SAYSD1: variants seen among roughly 807,000 people sequenced by gnomAD.
SAYSD1 encodes the protein SAYSVFN motif domain containing 1.
A neutral mutation model predicts 14.5 loss-of-function variants in SAYSD1; 15 were observed. The ratio of observed to expected loss-of-function variants is 1.03; its 90% CI spans 0.69 to 1.59. SAYSD1 has a LOEUF of 1.59. SAYSD1 is among the 40% of genes most tolerant of loss of function. The pLI, the probability that SAYSD1 is intolerant of heterozygous loss-of-function variation, is 0.00. For missense variants in SAYSD1, 247 were observed against 227.3 expected (o/e 1.09, Z -0.56); for synonymous variants, 105 against 102.6 (o/e 1.02, Z -0.14).
chr6:39,109,260 G>T, intron 1 of SAYSD1: 1 of 1,496,808 alleles, frequency 6.7e-7, no homozygotes, highest in East Asian at 2.5e-5. Flanking sequence ...GGCTTGCCTG[G>T]GATATGGCTG....
At chr6:39,113,860 T>A (rs530663299) in intron 1 of SAYSD1, 1 of 152,374 alleles carries the variant, frequency 6.6e-6, no homozygotes, top group Non-Finnish European at 1.5e-5. Context: ...GTCTGAACTC[T>A]GCTGCGCTCT....
Position 39,115,030 on chromosome 6 carries a change from T to C in SAYSD1, c.60A>G (p.Gln20=). Residue 20 remains glutamine (Q), a synonymous_variant, in exon 1 of 2, where the codon CAA becomes CAG. Coordinates refer to ENST00000229903, the MANE Select transcript of SAYSD1 (RefSeq NM_018322.3). ...AARKRAGLAA[Q]PPAASQGAQT... Reference sequence around the variant, plus strand: ...GTGCGCCCTGACTGGCAGCAGGGGGTTGGGCCGCCAGACCCGCCCGTTTCC... The same window carrying C: ...GTGCGCCCTGACTGGCAGCAGGGGGCTGGGCCGCCAGACCCGCCCGTTTCC... 1 of 1,612,632 alleles carries C rather than the reference T, an allele frequency of 6.2e-7. No individual in the cohort carries two copies. Among genetic ancestry groups the C allele is most frequent in the Admixed American group, 1.7e-5 (1 of 60,004 alleles).
chr6:39,105,890 T>G, intron 1 of SAYSD1, 114 bp from the exon 2 acceptor site: 2 of 878,356 alleles, frequency 2.3e-6, no homozygotes. Context: ...GCTCATTGAT[T>G]TCTATTCTTT....
intron 1 of SAYSD1, chr6:39,111,047 CTG>C (rs1368216650): frequency 3.3e-5 from 5 of 152,222 alleles, no homozygotes; most frequent in African/African-American, 7.2e-5. Flanking sequence ...TAAAAAAAAA[CTG>C]TGTGTTGACT....
chr6:39,109,905 T>C (rs1464641012), intron 1 of SAYSD1, among the ~76,000 whole-genome samples: 1 of 152,330 alleles, frequency 6.6e-6, no homozygotes, highest in Middle Eastern at 3.4e-3. Context: ...AATGATGTAA[T>C]TTCATTACAT....
chr6:39,105,524 C>A lies in SAYSD1; in HGVS notation c.460G>T (p.Val154Leu). The A allele has an allele frequency of 6.2e-7, 1 of 1,614,250 alleles. No homozygotes were observed. The change falls in exon 2 of 2, where the codon GTG becomes TTG. Residue 154 changes from valine (V) to leucine (L), a missense_variant. Transcript: ENST00000229903. Reference sequence around the variant, plus strand: ...ATGGCTTCACAGCCTGGATTGAACACAGAGTAGGCGCTCTTCTCTCCCTCT... The same window carrying A: ...ATGGCTTCACAGCCTGGATTGAACAAAGAGTAGGCGCTCTTCTCTCCCTCT... ...KKEGEKSAYS[V>L]FNPGCEAIQG...
chr6:39,109,775 T>G (rs1428844312), intron 1 of SAYSD1: 6 of 206,934 alleles, frequency 2.9e-5, no homozygotes, highest in Non-Finnish European at 5.1e-5. Flanking sequence ...TTCCCAAAGC[T>G]TTATGGCTGA....
chr6:39,107,183 G>C (rs1252238055), intron 1 of SAYSD1, among the ~76,000 whole-genome samples: 1 of 152,056 alleles, frequency 6.6e-6, no homozygotes, highest in Non-Finnish European at 1.5e-5. Context: ...AGCTTAACTG[G>C]TCTTATTACC....
chr6:39,108,314 GGTCA>G (rs1204921035), intron 1 of SAYSD1, among the ~76,000 whole-genome samples: 1 of 151,518 alleles, frequency 6.6e-6, no homozygotes, highest in Non-Finnish European at 1.5e-5. Flanking sequence ...GCAGAGATGA[GGTCA>G]GTCTCGGATC....
intron 1 of SAYSD1, among the ~76,000 whole-genome samples, chr6:39,113,931 T>G (rs1769680855): frequency 6.6e-6 from 1 of 152,184 alleles, no homozygotes; most frequent in Admixed American, 6.5e-5. Flanking sequence ...AAATCAAAAT[T>G]GAGTAATAGG....
chr6:39,107,496 G>A (rs1475998657), intron 1 of SAYSD1, among the ~76,000 whole-genome samples: 1 of 152,174 alleles, frequency 6.6e-6, no homozygotes, highest in Non-Finnish European at 1.5e-5. Context: ...CCCATACTTA[G>A]GTTCTCAATT....
rs1348259057 is a variant in SAYSD1, at chr6:39,104,508, G to T, written c.*924C>A. On this transcript the variant is annotated 3_prime_UTR_variant, in exon 2 of 2. Transcript: ENST00000229903. ...CGTATTGTGAACTGCGCATGCGAGGGATCTAGGTTGCGTGCTCCTTATGAG... is the reference window on the plus strand; with the variant it reads ...CGTATTGTGAACTGCGCATGCGAGGTATCTAGGTTGCGTGCTCCTTATGAG... 2.0e-5 allele frequency: 3 copies of T among 152,028 alleles called. No homozygotes were observed. Among genetic ancestry groups the T allele is most frequent in the Non-Finnish European group, 1.5e-5 (1 of 68,046 alleles). 9.4% of individuals were successfully genotyped at this position (152,028 alleles called of 1,614,324 possible).
chr6:39,108,462 CAA>C (rs1769544723), intron 1 of SAYSD1, among the ~76,000 whole-genome samples: 1 of 151,970 alleles, frequency 6.6e-6, no homozygotes, highest in Non-Finnish European at 1.5e-5. Flanking sequence ...AGGGAACAAA[CAA>C]GAGGAGAGAT....
At chr6:39,113,097 AT>A (rs1769658469) in intron 1 of SAYSD1, 1 of 152,220 alleles carries the variant, frequency 6.6e-6, no homozygotes, top group South Asian at 2.1e-4. Context: ...GCAGACTGAC[AT>A]TTGTGCGGGG....
At chr6:39,113,461 C>T (rs1378598998) in intron 1 of SAYSD1, 1 of 152,518 alleles carries the variant, frequency 6.6e-6, no homozygotes, top group Non-Finnish European at 1.5e-5. Context: ...AATTTTCACA[C>T]CAGAGCAAAC....
rs779525264 is a variant in SAYSD1 at position 39,115,075 on chromosome 6, T to A, written c.15A>T (p.Leu5Phe). 1 of 1,607,592 alleles carries A rather than the reference T, an allele frequency of 6.2e-7. No homozygotes were observed. Among genetic ancestry groups the A allele is most frequent in the South Asian group, 1.1e-5 (1 of 91,002 alleles). ...GTTTCCGCGCCGCCCGAAACTCAGC[T>A]AACCGCTGTTCCATGGCGCGCGCCT... MEQR[L>F]AEFRAARKRA... The change falls in exon 1 of 2, where the codon TTA (leucine) becomes TTT (phenylalanine). Residue 5 changes from leucine (L) to phenylalanine (F), a missense_variant. Transcript: ENST00000229903.
intron 1 of SAYSD1, among the ~76,000 whole-genome samples, chr6:39,109,091 A>G (rs1004222244): frequency 2.6e-5 from 4 of 152,172 alleles, no homozygotes; most frequent in African/African-American, 9.7e-5. Context: ...GAAATTCAAG[A>G]TGACTACTAG....
intron 1 of SAYSD1, among the ~76,000 whole-genome samples, 163 bp from the exon 2 acceptor site, chr6:39,105,939 T>C (rs922933303): frequency 6.6e-6 from 1 of 152,220 alleles, no homozygotes; most frequent in Non-Finnish European, 1.5e-5. Flanking sequence ...AAAGAACCTA[T>C]GTGCTCTACT....
At position 39,105,026 on chromosome 6, in the gene SAYSD1, T is replaced by C. The variant is rs1488243404; in HGVS notation, c.*406A>G. 3.2e-5 allele frequency: 5 copies of C among 158,680 alleles called. No individual in the cohort carries two copies. Among genetic ancestry groups the C allele is most frequent in the African/African-American group, 9.6e-5 (4 of 41,464 alleles). 9.8% of individuals were successfully genotyped at this position (158,680 alleles called of 1,614,324 possible). A position where few individuals can be genotyped will look rare whatever the true frequency, so the allele number is the denominator to read the frequency against. On this transcript the variant is annotated 3_prime_UTR_variant, in exon 2 of 2. Coordinates refer to ENST00000229903, the MANE Select transcript of SAYSD1 (RefSeq NM_018322.3). ...AACTCTCCGGGAAAAAAAAAATTGCTATAAATGTTAAAAGACTTAAAGAGA... is the reference window on the plus strand; with the variant it reads ...AACTCTCCGGGAAAAAAAAAATTGCCATAAATGTTAAAAGACTTAAAGAGA...
Sources: gnomAD v4.1 joint callset for allele counts (sites outside exome capture counted in the v4.1 genomes callset) on GRCh38, gnomAD v4.1.1 for gene constraint, MANE v1.5 for transcripts, NCBI Gene and HGNC (gene_info 2026-07-23, HGNC 2026-07-21) for gene names.